Variants in GLB1L3 observed in about 807,000 individuals in gnomAD.
GLB1L3 encodes the protein galactosidase beta 1 like 3, also known as beta-galactosidase-1-like protein 3.
Under a neutral mutation model 89.5 loss-of-function variants are expected in GLB1L3, and 89 were observed. The ratio of observed to expected loss-of-function variants is 0.99; its 90% CI spans 0.84 to 1.19. The LOEUF (loss-of-function observed/expected upper bound fraction) is 1.19, where lower values mean the gene tolerates loss of function less well. Ranked by LOEUF, GLB1L3 falls within the 50% of genes most tolerant of loss-of-function variation. The pLI is 0.00. For synonymous variants in GLB1L3, 314 were observed against 312.3 expected (o/e 1.01, Z -0.06); for missense variants, 812 against 813.3 (o/e 1.00, Z 0.02).
intron 10 of GLB1L3, among the ~76,000 whole-genome samples, 177 bp from the exon 11 acceptor site, chr11:134,309,447 GTT>G (rs573805604): frequency 1.8e-4 from 24 of 136,926 alleles, no homozygotes; most frequent in African/African-American, 6.2e-4. Context: ...GAGAAAAATT[GTT>G]TTTTTTTTTA....
chr11:134,309,785 G>A, intron 11 of GLB1L3, 22 bp downstream of exon 11: 2 of 1,610,772 alleles, frequency 1.2e-6, no homozygotes, highest in Non-Finnish European at 1.7e-6. Flanking sequence ...TGGTGTAGTA[G>A]CCTCTCCAGC....
intron 10 of GLB1L3, among the ~76,000 whole-genome samples, chr11:134,308,981 A>T (rs1311282155): frequency 6.6e-6 from 1 of 152,154 alleles, no homozygotes; most frequent in Admixed American, 6.5e-5. Flanking sequence ...CACAGTACAA[A>T]ATGGAAGTTT....
chr11:134,297,859 CAAAA>C (rs34354899), intron 9 of GLB1L3, among the ~76,000 whole-genome samples: 1 of 100,990 alleles, frequency 9.9e-6, no homozygotes, highest in African/African-American at 3.6e-5. Flanking sequence ...GACTCTGTCT[CAAAA>C]AAAAAAAAAA....
intron 11 of GLB1L3, 183 bp from the exon 12 acceptor site, chr11:134,310,388 T>C: frequency 1.7e-6 from 1 of 585,980 alleles, no homozygotes; most frequent in South Asian, 2.1e-5. Flanking sequence ...TGGAAGCCAG[T>C]GGAAGGTGCC....
Position 134,314,298 on chromosome 11 carries a change from T to A in GLB1L3, c.1668-32T>A. 6.2e-6 allele frequency: 9 copies of A among 1,446,322 alleles called. No homozygotes were observed. In the South Asian group the frequency reaches 1.0e-4, roughly 16 times the overall value. 89.6% of individuals were successfully genotyped at this position (1,446,322 alleles called of 1,614,324 possible). The stretch of plus-strand genomic sequence containing the variant: ...TGGGAACTGGGTTGGGAAGGGGACT[T>A]CTTCTCCCCCATGGCTTGGCCTTTC... On this transcript the variant is annotated intron_variant, in intron 17 of 19. Transcript: ENST00000431683.
intron 5 of GLB1L3, 123 bp from the exon 6 acceptor site, chr11:134,283,614 C>T (rs1289191487): frequency 3.3e-6 from 2 of 605,718 alleles, no homozygotes; most frequent in African/African-American, 1.9e-5. Context: ...GACCCGAGTG[C>T]TCCGGGACCG....
chr11:134,302,758 A>G (rs995793520), intron 9 of GLB1L3, among the ~76,000 whole-genome samples: 1 of 152,070 alleles, frequency 6.6e-6, no homozygotes, highest in Non-Finnish European at 1.5e-5. Flanking sequence ...ATCAATGGTC[A>G]GTTTTGGTAA....
At chr11:134,310,378 T>C in intron 11 of GLB1L3, 193 bp from the exon 12 acceptor site, 2 of 583,478 alleles carry the variant, frequency 3.4e-6, no homozygotes, top group South Asian at 4.3e-5. Context: ...GGCTTGACAC[T>C]GGAAGCCAGT....
At position 134,283,851 on chromosome 11, in the gene GLB1L3, G is replaced by C. The variant is rs1180670309; in HGVS notation, c.636+6G>C. 3 of 1,536,158 alleles carry C rather than the reference G, an allele frequency of 2.0e-6. No homozygotes were observed. Among genetic ancestry groups the C allele is most frequent in the Non-Finnish European group, 2.7e-6 (3 of 1,111,002 alleles). On this transcript the variant is annotated splice_donor_region_variant and intron_variant, in intron 6 of 19. Transcript: ENST00000431683. ...CCAGAGTGATTCCTCTCCAGGTAAA[G>C]CCAAATTGTCCCCTGCATCTTTCTT...
Position 134,309,614 on chromosome 11 carries a change from T to A in GLB1L3, c.962-12T>A. 6.4e-7 allele frequency: 1 copy of A among 1,574,770 alleles called. No individual in the cohort carries two copies. Among genetic ancestry groups the A allele is most frequent in the Non-Finnish European group, 8.7e-7 (1 of 1,154,606 alleles). On this transcript the variant is annotated splice_polypyrimidine_tract_variant and intron_variant, in intron 10 of 19. Transcript: ENST00000431683. ...TCTAACATTCTCTGTGTTCTCATGT[T>A]CCCCTTTGCAGAGGTTGAACATGCT...
In GLB1L3 at chr11:134,314,455, T is replaced by A; in HGVS notation, c.1779+14T>A. ...CTGAGCCTGCTGGTAGGTGATGCCC[T>A]CTGCTGCCCTGGTGTTCCAAACACC... On this transcript the variant is annotated intron_variant, in intron 18 of 19. Coordinates refer to ENST00000431683, the MANE Select transcript of GLB1L3 (RefSeq NM_001080407.3). 1 of 1,477,912 alleles carries A rather than the reference T, an allele frequency of 6.8e-7. No homozygotes were observed. The highest frequency in any genetic ancestry group is 9.3e-7 in the Non-Finnish European group (1 of 1,079,782). The allele number at this position is 1,477,912 out of a possible 1,614,324, so 91.5% of individuals were successfully genotyped here. A position where few individuals can be genotyped will look rare whatever the true frequency, so the allele number is the denominator to read the frequency against.
At chr11:134,287,045 C>G (rs1339197314) in intron 6 of GLB1L3, 2 of 151,500 alleles carry the variant, frequency 1.3e-5, no homozygotes, top group Non-Finnish European at 2.9e-5. Flanking sequence ...CCTGTAGTCC[C>G]AGCTACTCGG....
chr11:134,312,069 T>A (rs1039356954), intron 13 of GLB1L3: 3 of 315,222 alleles, frequency 9.5e-6, no homozygotes, highest in Non-Finnish European at 1.2e-5. Context: ...AGTGCTGGGA[T>A]TACAGGCGTG....
chr11:134,285,979 G>C (rs1940964552), intron 6 of GLB1L3, among the ~76,000 whole-genome samples: 1 of 150,844 alleles, frequency 6.6e-6, no homozygotes, highest in African/African-American at 2.4e-5. Flanking sequence ...TGTGACCTCG[G>C]CTCACCGCAA....
At position 134,310,634 on chromosome 11, in the gene GLB1L3, T is replaced by A. The variant is rs754298892; in HGVS notation, c.1163T>A (p.Leu388His). 37 of 1,612,832 alleles carry A rather than the reference T, an allele frequency of 2.3e-5. 1 individual carries two copies. Among genetic ancestry groups the A allele is most frequent in the Middle Eastern group, 1.6e-4 (1 of 6,084 alleles). The change falls in exon 12 of 20, where the codon CTC becomes CAC. Residue 388 changes from leucine (L) to histidine (H), a missense_variant. Physicochemically the swap from Leu to His is moderately conservative, Grantham distance 99 (BLOSUM62 -3). Coordinates refer to ENST00000431683, the MANE Select transcript of GLB1L3 (RefSeq NM_001080407.3). ...YTEKYLKLQK[L>H]FQSVSATPLP... Reference sequence around the variant, plus strand: ...GAAAAATATCTGAAGCTTCAAAAACTCTTTCAATCTGTCTCAGGTACTCAG... The same window carrying A: ...GAAAAATATCTGAAGCTTCAAAAACACTTTCAATCTGTCTCAGGTACTCAG...
chr11:134,322,354 G>C (rs1453663763), downstream of GLB1L3, among the ~76,000 whole-genome samples: 1 of 152,160 alleles, frequency 6.6e-6, no homozygotes, highest in Non-Finnish European at 1.5e-5. Context: ...AAAAATAAAA[G>C]TACCTTGTAC....
At chr11:134,310,748 G>T in intron 12 of GLB1L3, 97 bp downstream of exon 12, 1 of 878,866 alleles carries the variant, frequency 1.1e-6, no homozygotes. Flanking sequence ...CTTGTGGGCA[G>T]CAGTTACACC....
At chr11:134,292,413 C>T in intron 8 of GLB1L3, 200 bp downstream of exon 8, 1 of 501,560 alleles carries the variant, frequency 2.0e-6, no homozygotes, top group East Asian at 3.1e-5. Context: ...CCTATCTTGG[C>T]CTTGCTCCTG....
intron 9 of GLB1L3, among the ~76,000 whole-genome samples, chr11:134,296,862 T>A (rs974139225): frequency 1.7e-4 from 23 of 131,774 alleles, no homozygotes; most frequent in African/African-American, 6.2e-4. Context: ...ATAATAATAA[T>A]AAAAACAAAC....
Sources: allele counts gnomAD v4.1 joint callset (sites outside exome capture counted in the v4.1 genomes callset), GRCh38; gene constraint gnomAD v4.1.1; transcripts MANE v1.5; gene names NCBI Gene and HGNC (gene_info 2026-07-23, HGNC 2026-07-21).